SVOPL: variants seen among roughly 807,000 people sequenced by gnomAD.
SVOPL encodes the protein SVOP like, also known as putative transporter SVOPL.
A neutral mutation model predicts 61.0 loss-of-function variants in SVOPL; 60 were observed. The observed-to-expected ratio is 0.98, with a 90% CI of 0.80 to 1.22. The LOEUF is 1.22. Ranked by LOEUF, SVOPL falls within the 50% of genes most tolerant of loss-of-function variation. The probability of loss-of-function intolerance (pLI) is 0.00; values close to 1 mark genes in which losing one functional copy is unlikely to be tolerated. For missense variants in SVOPL, 662 were observed against 643.9 expected (o/e 1.03, Z -0.30); for synonymous variants, 279 against 250.0 (o/e 1.12, Z -1.09).
At chr7:138,661,214 G>A in intron 5 of SVOPL, 2 of 985,372 alleles carry the variant, frequency 2.0e-6, no homozygotes, top group Non-Finnish European at 2.4e-6. Context: ...AGACAGACCT[G>A]GGTTTGTAAT....
chr7:138,634,541 A>G (rs1800374265), intron 9 of SVOPL, among the ~76,000 whole-genome samples: 1 of 151,872 alleles, frequency 6.6e-6, no homozygotes, highest in Non-Finnish European at 1.5e-5. Flanking sequence ...CCAGCTATTC[A>G]GGAGGCAGAG....
At chr7:138,666,507 AG>A (rs1802266778) in intron 4 of SVOPL, among the ~76,000 whole-genome samples, 1 of 152,216 alleles carries the variant, frequency 6.6e-6, no homozygotes, top group South Asian at 2.1e-4. Flanking sequence ...CTCCAGGTCA[AG>A]GGTTCAGGGT....
chr7:138,648,533 CAAAAAAAAAAAAAA>C (rs61171485), intron 8 of SVOPL, among the ~76,000 whole-genome samples: 7 of 73,794 alleles, frequency 9.5e-5, no homozygotes, highest in African/African-American at 2.1e-4. Flanking sequence ...ACTAAAAATC[CAAAAAAAAAAAAAA>C]AAAAAAAAAA....
At chr7:138,647,461 G>A (rs1801175045) in intron 8 of SVOPL, among the ~76,000 whole-genome samples, 2 of 152,128 alleles carry the variant, frequency 1.3e-5, no homozygotes, top group Non-Finnish European at 2.9e-5. Context: ...AGGACCTGCA[G>A]GTAAATTTAT....
chr7:138,693,529 AAAAG>A (rs745407235), intron 1 of SVOPL, among the ~76,000 whole-genome samples: 4,722 of 117,078 alleles, frequency 0.04, 152 homozygotes, highest in East Asian at 0.16. Flanking sequence ...AAAAGAAAGA[AAAAG>A]AAAGAAAGAA....
chr7:138,608,780 G>C (rs1042498031), intron 14 of SVOPL, among the ~76,000 whole-genome samples: 2 of 152,106 alleles, frequency 1.3e-5, no homozygotes, highest in Non-Finnish European at 2.9e-5. Flanking sequence ...TTGCAGACTC[G>C]AGAAATATAC....
In SVOPL at chr7:138,646,418, G is replaced by A. The variant is rs558375336; in HGVS notation, c.661-1573C>T. 4.9e-5 allele frequency: 9 copies of A among 184,884 alleles called. No homozygotes were observed. The South Asian group carries it at 1.1e-3, about 22-fold the overall frequency. The allele number at this position is 184,884 out of a possible 1,614,324, so 11.5% of individuals were successfully genotyped here. ...CTCCATGTTGTCTAAGAGGTCTGGT[G>A]ACCTCTCCTCTTTCCCTTTGTGTAG... On this transcript the variant is annotated intron_variant, in intron 8 of 15. Coordinates refer to ENST00000674285, the MANE Select transcript of SVOPL (RefSeq NM_001139456.2).
intron 4 of SVOPL, among the ~76,000 whole-genome samples, chr7:138,663,996 C>A (rs1037206585): frequency 3.9e-5 from 6 of 152,260 alleles, no homozygotes; most frequent in Admixed American, 1.3e-4. Context: ...CATATATATT[C>A]TTGCACGACA....
intron 7 of SVOPL, among the ~76,000 whole-genome samples, chr7:138,651,602 A>G (rs1418109819): frequency 2.0e-5 from 3 of 152,128 alleles, no homozygotes; most frequent in Non-Finnish European, 4.4e-5. Context: ...AATTCTCGCA[A>G]TATTTCAAAC....
chr7:138,688,562 G>A (rs544775869), intron 1 of SVOPL, among the ~76,000 whole-genome samples: 79 of 152,268 alleles, frequency 5.2e-4, no homozygotes, highest in Non-Finnish European at 9.1e-4. Context: ...GAGCCACAGC[G>A]CCCAGCCAGA....
intron 14 of SVOPL, among the ~76,000 whole-genome samples, chr7:138,609,658 TAAAAC>T (rs567288357): frequency 2.5e-5 from 3 of 118,792 alleles, no homozygotes; most frequent in Admixed American, 1.0e-4. Flanking sequence ...GACCCTGTCT[TAAAAC>T]AAAACAAAAC....
In SVOPL at chr7:138,663,903, G is replaced by C. The variant is rs558497574; in HGVS notation, c.274-758C>G. 4.1e-4 allele frequency among the ~76,000 whole-genome samples: 63 copies of C among 152,242 alleles called. No homozygotes were observed. The South Asian group carries it at 0.011, about 28-fold the overall frequency. On this transcript the variant is annotated intron_variant, in intron 4 of 15. Transcript: ENST00000674285. ...GCTCTGTTTCCCTTTCGCTGTCGCT[G>C]TTCTGCTTTTTTTCTCCTTCCTTCA... is the stretch of plus-strand genomic sequence containing the variant.
In SVOPL at chr7:138,628,235, T is replaced by TG; in HGVS notation, c.991dup (p.Gln331ProfsTer13). ...AAACATGTGGCAGTAGCAGGGGCTC[T>TG]GGCTCTCCCCTGAGTCCCCCCCAGT... On this transcript the variant is annotated frameshift_variant, in exon 11 of 16. Transcript: ENST00000674285. LOFTEE classifies it high-confidence loss of function. The TG allele has an allele frequency of 6.2e-7, 1 of 1,614,196 alleles. No individual in the cohort carries two copies. The highest frequency in any genetic ancestry group is 1.1e-5 in the South Asian group (1 of 91,080).
intron 2 of SVOPL, 99 bp from the exon 3 acceptor site, chr7:138,678,624 A>G: frequency 8.3e-7 from 1 of 1,208,754 alleles, no homozygotes; most frequent in South Asian, 1.5e-5. Context: ...TATAAAAACA[A>G]GTTAATACGG....
chr7:138,610,283 GAA>G (rs1226055635), intron 14 of SVOPL, among the ~76,000 whole-genome samples: 1 of 150,130 alleles, frequency 6.7e-6, no homozygotes, highest in Non-Finnish European at 1.5e-5. Context: ...CATAAAAAAA[GAA>G]AAAGAGAGAG....
intron 14 of SVOPL, among the ~76,000 whole-genome samples, chr7:138,608,802 G>A (rs1798868794): frequency 6.6e-6 from 1 of 152,094 alleles, no homozygotes. Flanking sequence ...GAGAAATACT[G>A]ATACATTTGA....
intron 7 of SVOPL, among the ~76,000 whole-genome samples, chr7:138,653,837 G>A (rs1801557765): frequency 1.3e-5 from 2 of 151,826 alleles, no homozygotes; most frequent in South Asian, 2.1e-4. Flanking sequence ...GGAGGCTGAG[G>A]CAGGAGAACC....
At chr7:138,649,822 T>TG (rs920309260) in intron 7 of SVOPL, among the ~76,000 whole-genome samples, 15 of 150,792 alleles carry the variant, frequency 9.9e-5, no homozygotes, top group African/African-American at 2.9e-4. Flanking sequence ...TAGTGAATGG[T>TG]GAAAAAAAAG....
chr7:138,690,765 T>C (rs186367118), intron 1 of SVOPL, among the ~76,000 whole-genome samples: 1 of 121,338 alleles, frequency 8.2e-6, no homozygotes, highest in East Asian at 2.6e-4. Flanking sequence ...TACCCTTTTC[T>C]TTCTTTCTTT....
Sources: allele counts gnomAD v4.1 joint callset (sites outside exome capture counted in the v4.1 genomes callset), GRCh38; gene constraint gnomAD v4.1.1; transcripts MANE v1.5; gene names NCBI Gene and HGNC (gene_info 2026-07-23, HGNC 2026-07-21).